IGSF3: variants seen among roughly 807,000 people sequenced by gnomAD.
IGSF3 encodes glu-Trp-Ile EWI motif-containing protein 3.
IGSF3 carries 23 observed loss-of-function variants against 114.4 expected under a neutral mutation model. The observed-to-expected ratio is 0.20, with a 90% CI of 0.14 to 0.28. The LOEUF (loss-of-function observed/expected upper bound fraction) is 0.28, where lower values mean the gene tolerates loss of function less well. Ranked by LOEUF, IGSF3 falls within the 10% of genes least tolerant of loss-of-function variation. The pLI is 1.00. For missense variants in IGSF3, 1,172 were observed against 1,591.5 expected (o/e 0.74, Z 4.48); for synonymous variants, 571 against 645.2 (o/e 0.88, Z 1.74).
chr1:116,579,394 G>C lies in IGSF3; in HGVS notation c.3332C>G (p.Thr1111Arg). 6.4e-7 allele frequency: 1 copy of C among 1,557,014 alleles called. No individual in the cohort carries two copies. ...SAPIGIRVLDTSPTLQSIICS... is the reference protein window; with the variant it reads ...SAPIGIRVLDRSPTLQSIICS... ...CCCTCTGTACTTGGGAAACTCACTT[G>C]TATCTAGAACACGGATGCCGATGGG... is the stretch of plus-strand genomic sequence containing the variant. Residue 1111 changes from threonine to arginine, a missense_variant and splice_region_variant, in exon 10 of 11, where the codon ACA becomes AGA. Around this residue, in one of 3 missense-constraint regions of IGSF3, gnomAD observed 423 missense variants for 509.8 expected, o/e 0.83. Coordinates refer to ENST00000369486, the MANE Select transcript of IGSF3 (RefSeq NM_001007237.3). This position sits in a 1 kb window ranked among gnomAD's most constrained non-coding sequence, Gnocchi z 6.4.
At position 116,612,555 on chromosome 1, in the gene IGSF3, T is replaced by C. The variant is rs973034237; in HGVS notation, c.832+1210A>G. Among the ~76,000 whole-genome samples the C allele has an allele frequency of 1.3e-5, 2 of 152,212 alleles. No individual in the cohort carries two copies. Among genetic ancestry groups the C allele is most frequent in the African/African-American group, 4.8e-5 (2 of 41,452 alleles). On this transcript the variant is annotated intron_variant, in intron 4 of 10. Transcript: ENST00000369486. This position sits in a 1 kb window ranked among gnomAD's most constrained non-coding sequence, Gnocchi z 4.1. ...GTTAGCTGAGTCTGAAGCATTACTC[T>C]AGAATGGCAGAGAAAGTATGCAAAG...
At position 116,618,970 on chromosome 1, in the gene IGSF3, A is replaced by G. The variant is rs549207867; in HGVS notation, c.44-2513T>C. Among the ~76,000 whole-genome samples the G allele has an allele frequency of 4.6e-5, 7 of 152,294 alleles. No individual in the cohort carries two copies. In the East Asian group the frequency reaches 1.4e-3, roughly 29 times the overall value. ...ACCTGGGGAGCTTTAAAGAACTAAC[A>G]GTGCCTGGACCCCACCTGACATAAC... is the stretch of plus-strand genomic sequence containing the variant. On this transcript the variant is annotated intron_variant, in intron 2 of 10. Coordinates refer to ENST00000369486, the MANE Select transcript of IGSF3 (RefSeq NM_001007237.3). This position sits in a 1 kb window ranked among gnomAD's most constrained non-coding sequence, Gnocchi z 4.7.
rs982652312 is a variant in IGSF3, at chr1:116,624,048, T to C, written c.44-7591A>G. On this transcript the variant is annotated intron_variant, in intron 2 of 10. Coordinates refer to ENST00000369486, the MANE Select transcript of IGSF3 (RefSeq NM_001007237.3). This position sits in a 1 kb window ranked among gnomAD's most constrained non-coding sequence, Gnocchi z 4.9. Reference sequence around the variant, plus strand: ...GTTGCAGTGAGCCGAGATCATGTCATTGCACTGTGGGCTGGGCAACAGAGA... The same window carrying C: ...GTTGCAGTGAGCCGAGATCATGTCACTGCACTGTGGGCTGGGCAACAGAGA... Among the ~76,000 whole-genome samples the C allele has an allele frequency of 2.8e-5, 4 of 140,522 alleles. No individual in the cohort carries two copies. The highest frequency in any genetic ancestry group is 4.5e-5 in the Non-Finnish European group (3 of 66,086). The allele number at this position is 140,522 out of a possible 152,430, so 92.2% of individuals were successfully genotyped here.
chr1:116,656,483 G>A (rs1291741973), intron 2 of IGSF3, among the ~76,000 whole-genome samples: 1 of 150,978 alleles, frequency 6.6e-6, no homozygotes, highest in Non-Finnish European at 1.5e-5. Context: ...TTGTATTTGG[G>A]GTTTCACTGT....
intron 7 of IGSF3, among the ~76,000 whole-genome samples, chr1:116,597,371 T>C (rs951745103): frequency 5.3e-5 from 8 of 152,226 alleles, no homozygotes; most frequent in African/African-American, 1.9e-4. Flanking sequence ...AAAACTCATA[T>C]GAAGCTCTCT....
At chr1:116,601,218 T>G (rs1049240614) in intron 6 of IGSF3, among the ~76,000 whole-genome samples, 3 of 152,210 alleles carry the variant, frequency 2.0e-5, no homozygotes, top group African/African-American at 7.2e-5. Flanking sequence ...ATGTAGAAAC[T>G]GATGCAGAGA....
rs1183713606 is a variant in IGSF3 at position 116,594,111 on chromosome 1, C to G, written c.2030-5007G>C. On this transcript the variant is annotated intron_variant, in intron 7 of 10. Coordinates refer to ENST00000369486, the MANE Select transcript of IGSF3 (RefSeq NM_001007237.3). This position sits in a 1 kb window ranked among gnomAD's most constrained non-coding sequence, Gnocchi z 5.2. ...GTTCAGAATTGTAGCAAGAGTTACT[C>G]AGGACTTCAGAAACCCTGTCAGGAT... Among the ~76,000 whole-genome samples, 2 of 152,172 alleles carry G rather than the reference C, an allele frequency of 1.3e-5. No homozygotes were observed. Among genetic ancestry groups the G allele is most frequent in the African/African-American group, 4.8e-5 (2 of 41,446 alleles).
chr1:116,613,511 A>G (rs994627266), intron 4 of IGSF3, among the ~76,000 whole-genome samples: 1 of 152,234 alleles, frequency 6.6e-6, no homozygotes, highest in Non-Finnish European at 1.5e-5. Flanking sequence ...TATAAACACC[A>G]TGTAGGTCAA....
rs1446611969 is a variant in IGSF3 at position 116,647,175 on chromosome 1, C to T, written c.43+19109G>A. 1.3e-5 allele frequency among the ~76,000 whole-genome samples: 2 copies of T among 152,330 alleles called. No individual in the cohort carries two copies. Among genetic ancestry groups the T allele is most frequent in the African/African-American group, 4.8e-5 (2 of 41,578 alleles). On this transcript the variant is annotated intron_variant, in intron 2 of 10. Coordinates refer to ENST00000369486, the MANE Select transcript of IGSF3 (RefSeq NM_001007237.3). The surrounding 1 kb of genome is among the most constrained non-coding windows in gnomAD (Gnocchi z 4.6). ...TGAAGGTCAGGAGAGACCCAGGCAG[C>T]GATGCCCAAATGACCGGCTGAGGAA...
intron 8 of IGSF3, among the ~76,000 whole-genome samples, chr1:116,586,409 G>A (rs936695440): frequency 6.6e-6 from 1 of 151,854 alleles, no homozygotes; most frequent in Non-Finnish European, 1.5e-5. Context: ...GTGTGTGTAT[G>A]TATTTTCCAA....
rs959778327 is a variant in IGSF3, at chr1:116,647,670, T to C, written c.43+18614A>G. Among the ~76,000 whole-genome samples the C allele has an allele frequency of 9.2e-5, 14 of 152,228 alleles. No homozygotes were observed. The highest frequency in any genetic ancestry group is 3.4e-4 in the African/African-American group (14 of 41,456). On this transcript the variant is annotated intron_variant, in intron 2 of 10. Transcript: ENST00000369486. This position sits in a 1 kb window ranked among gnomAD's most constrained non-coding sequence, Gnocchi z 4.6. ...GGCTCCATAACAAATGTTGATTGAA[T>C]GTTGTCTGGGCGGACAGAGGCAAGG... is the stretch of plus-strand genomic sequence containing the variant.
intron 2 of IGSF3, chr1:116,646,919 T>TA (rs910228600): frequency 1.3e-5 from 2 of 152,278 alleles, no homozygotes; most frequent in African/African-American, 4.8e-5. Flanking sequence ...ACCGCACACT[T>TA]AAACGGCTAA....
At chr1:116,604,675 G>C (rs61786581) in intron 5 of IGSF3, among the ~76,000 whole-genome samples, 1 of 152,162 alleles carries the variant, frequency 6.6e-6, no homozygotes, top group Non-Finnish European at 1.5e-5. Context: ...CCAGCAGCTC[G>C]TCATCCACCA....
intron 2 of IGSF3, among the ~76,000 whole-genome samples, chr1:116,645,028 T>C (rs1335278343): frequency 6.6e-6 from 1 of 152,028 alleles, no homozygotes; most frequent in Admixed American, 6.5e-5. Flanking sequence ...CCAAGAGAAA[T>C]AAAACCTGTG....
Position 116,615,992 on chromosome 1 carries a change from A to C in IGSF3, c.421+88T>G. The C allele has an allele frequency of 8.6e-7, 1 of 1,166,808 alleles. No homozygotes were observed. Among genetic ancestry groups the C allele is most frequent in the Non-Finnish European group, 1.2e-6 (1 of 826,338 alleles). The allele number at this position is 1,166,808 out of a possible 1,614,324, so 72.3% of individuals were successfully genotyped here. ...TTGGGAGTTTTGGGATTTTTTTTAAAGTCAAATGCATGGCATAAAGCAAAA... is the reference window on the plus strand; with the variant it reads ...TTGGGAGTTTTGGGATTTTTTTTAACGTCAAATGCATGGCATAAAGCAAAA... On this transcript the variant is annotated intron_variant, in intron 3 of 10. Coordinates refer to ENST00000369486, the MANE Select transcript of IGSF3 (RefSeq NM_001007237.3). This position sits in a 1 kb window ranked among gnomAD's most constrained non-coding sequence, Gnocchi z 4.3.
chr1:116,621,506 C>T (rs3965239), intron 2 of IGSF3, among the ~76,000 whole-genome samples: 5 of 152,120 alleles, frequency 3.3e-5, no homozygotes, highest in Admixed American at 6.5e-5. Flanking sequence ...TGGGAGACTC[C>T]GAGTCAGAAG....
rs1649235624 is a variant in IGSF3 at position 116,664,234 on chromosome 1, C to A, written c.43+2050G>T. Among the ~76,000 whole-genome samples the A allele has an allele frequency of 6.6e-6, 1 of 152,202 alleles. No homozygotes were observed. Among genetic ancestry groups the A allele is most frequent in the South Asian group, 2.1e-4 (1 of 4,824 alleles). ...CATCTGGATGTCTGCCACTGTGCCC[C>A]TTTAAAGCCACCTTGATGCTCATTT... On this transcript the variant is annotated intron_variant, in intron 2 of 10. Transcript: ENST00000369486. This position sits in a 1 kb window ranked among gnomAD's most constrained non-coding sequence, Gnocchi z 4.6.
intron 2 of IGSF3, among the ~76,000 whole-genome samples, chr1:116,659,156 T>G (rs1477655578): frequency 6.6e-6 from 1 of 152,172 alleles, no homozygotes; most frequent in African/African-American, 2.4e-5. Flanking sequence ...CTTCTGCTAC[T>G]ATAATTATAG....
chr1:116,626,499 C>CT lies in IGSF3; in HGVS notation c.44-10043dup, dbSNP rs563869061. ...TTAATGAATATTTAGGTTATTTATA[C>CT]TTTTTTTTTCTATAACCAACAAGCC... On this transcript the variant is annotated intron_variant, in intron 2 of 10. Coordinates refer to ENST00000369486, the MANE Select transcript of IGSF3 (RefSeq NM_001007237.3). Among the ~76,000 whole-genome samples the CT allele has an allele frequency of 6.5e-4, 99 of 151,594 alleles. 1 individual carries two copies. The South Asian group carries it at 0.011, about 17-fold the overall frequency.
Sources: gnomAD v4.1 joint callset for allele counts (sites outside exome capture counted in the v4.1 genomes callset) on GRCh38, gnomAD v4.1.1 for gene constraint, gnomAD v4.1.1 regional missense constraint, Gnocchi (gnomAD v3.1) non-coding constraint, MANE v1.5 for transcripts, NCBI Gene and HGNC (gene_info 2026-07-23, HGNC 2026-07-21) for gene names.